Variants in PKD1L1 observed in about 807,000 individuals in gnomAD.
The protein encoded by PKD1L1 is polycystin-1-like protein 1.
PKD1L1 carries 236 observed loss-of-function variants against 323.4 expected under a neutral mutation model. That is an observed-to-expected ratio of 0.73 (90% CI 0.66 to 0.81). PKD1L1 has a LOEUF of 0.81. PKD1L1 is among the 40% of genes least tolerant of loss of function. The pLI, the probability that PKD1L1 is intolerant of heterozygous loss-of-function variation, is 0.00. For missense variants in PKD1L1, 3,320 were observed against 3,508.0 expected, an observed-to-expected ratio of 0.95 and a Z score of 1.35; for synonymous variants, 1,344 against 1,335.0, an observed-to-expected ratio of 1.01 and a Z score of -0.15.
Position 47,839,732 on chromosome 7 carries a change from A to C in PKD1L1, c.5553-70T>G. 2 of 1,420,870 alleles carry C rather than the reference A, an allele frequency of 1.4e-6. No individual in the cohort carries two copies. The highest frequency in any genetic ancestry group is 1.9e-6 in the Non-Finnish European group (2 of 1,038,694). The allele number at this position is 1,420,870 out of a possible 1,614,324, so 88.0% of individuals were successfully genotyped here. ...TGGTCCTGGCATCCCATCAGCCCCA[A>C]TGCTCACCCTCAAGGCACTGATGGC... On this transcript the variant is annotated intron_variant, in intron 35 of 56. Transcript: ENST00000289672. The surrounding 1 kb of genome is among the most constrained non-coding windows in gnomAD (Gnocchi z 4.3).
chr7:47,818,756 A>C (rs527894941), intron 46 of PKD1L1, among the ~76,000 whole-genome samples: 2 of 152,234 alleles, frequency 1.3e-5, no homozygotes, highest in Non-Finnish European at 2.9e-5. Context: ...CTTTTATGGC[A>C]CTTGGATAGA....
chr7:47,912,392 G>T (rs1370120084), intron 8 of PKD1L1, among the ~76,000 whole-genome samples: 1 of 152,184 alleles, frequency 6.6e-6, no homozygotes, highest in Non-Finnish European at 1.5e-5. Context: ...ACAATGTAAA[G>T]ATCTAATTCA....
At chr7:47,830,687 T>G (rs1448758333) in intron 42 of PKD1L1, among the ~76,000 whole-genome samples, 1 of 152,180 alleles carries the variant, frequency 6.6e-6, no homozygotes, top group Non-Finnish European at 1.5e-5. Flanking sequence ...GCCTTGGCTT[T>G]GAGGCTACTC....
chr7:47,784,871 A>G (rs1357337483), intron 56 of PKD1L1, among the ~76,000 whole-genome samples: 1 of 152,248 alleles, frequency 6.6e-6, no homozygotes, highest in African/African-American at 2.4e-5. Flanking sequence ...TACCCTTTCC[A>G]GAGCCACCTA....
intron 30 of PKD1L1, among the ~76,000 whole-genome samples, chr7:47,854,009 C>T (rs1266244972): frequency 1.3e-5 from 2 of 152,164 alleles, no homozygotes; most frequent in African/African-American, 2.4e-5. Flanking sequence ...TAGTTAGACT[C>T]AGAAATTCCT....
chr7:47,839,679 C>A lies in PKD1L1; in HGVS notation c.5553-17G>T. On this transcript the variant is annotated splice_polypyrimidine_tract_variant and intron_variant, in intron 35 of 56. Coordinates refer to ENST00000289672, the MANE Select transcript of PKD1L1 (RefSeq NM_138295.5). The surrounding 1 kb of genome is among the most constrained non-coding windows in gnomAD (Gnocchi z 4.3). ...GCAGGAGCGCTGGAGGCACACACAG[C>A]AGCATCTCAGCCGGGTGGGTGACAG... 6.4e-7 allele frequency: 1 copy of A among 1,554,208 alleles called. No individual in the cohort carries two copies. The highest frequency in any genetic ancestry group is 8.7e-7 in the Non-Finnish European group (1 of 1,148,212).
chr7:47,908,263 G>A lies in PKD1L1; in HGVS notation c.1229-13C>T, dbSNP rs746480178. On this transcript the variant is annotated splice_polypyrimidine_tract_variant and intron_variant, in intron 8 of 56. Coordinates refer to ENST00000289672, the MANE Select transcript of PKD1L1 (RefSeq NM_138295.5). ...ATATAGACTCCTTCTGGAAAAATAAGAATGAACGGACACTTGATGAATTTT... is the reference window on the plus strand; with the variant it reads ...ATATAGACTCCTTCTGGAAAAATAAAAATGAACGGACACTTGATGAATTTT... 2.3e-5 allele frequency: 37 copies of A among 1,606,698 alleles called. No homozygotes were observed. The African/African-American group carries it at 4.4e-4, about 19-fold the overall frequency.
intron 56 of PKD1L1, among the ~76,000 whole-genome samples, chr7:47,779,154 T>A (rs886181500): frequency 1.3e-5 from 2 of 149,296 alleles, no homozygotes. Flanking sequence ...GCAGCAAATG[T>A]GGATCCAAAA....
In PKD1L1 at chr7:47,800,739, G is replaced by A. The variant is rs1312358074; in HGVS notation, c.8103C>T (p.Cys2701=). Reference sequence around the variant, plus strand: ...GGTCAGACTTGGAAAGGCCAAGGAGGCAGTCTTTTTGGCTTCTTCTGGGAA... The same window carrying A: ...GGTCAGACTTGGAAAGGCCAAGGAGACAGTCTTTTTGGCTTCTTCTGGGAA... ...FHFPRRSQKD[C]LLGLSKSDQR... Residue 2701 remains cysteine (C), a synonymous_variant, in exon 54 of 57, where the codon TGC becomes TGT. Coordinates refer to ENST00000289672, the MANE Select transcript of PKD1L1 (RefSeq NM_138295.5). The A allele has an allele frequency of 6.2e-7, 1 of 1,614,188 alleles. No individual in the cohort carries two copies. The highest frequency in any genetic ancestry group is 8.5e-7 in the Non-Finnish European group (1 of 1,180,040).
chr7:47,799,169 C>T (rs1784607782), intron 54 of PKD1L1, among the ~76,000 whole-genome samples: 1 of 152,048 alleles, frequency 6.6e-6, no homozygotes, highest in Non-Finnish European at 1.5e-5. Context: ...CATGAATGAA[C>T]AAATGAGTGG....
At chr7:47,913,105 A>G (rs1787357456) in intron 8 of PKD1L1, among the ~76,000 whole-genome samples, 1 of 152,158 alleles carries the variant, frequency 6.6e-6, no homozygotes, top group Non-Finnish European at 1.5e-5. Flanking sequence ...AGGAGAGAAC[A>G]GAATGGAAAG....
intron 24 of PKD1L1, among the ~76,000 whole-genome samples, chr7:47,872,173 C>G (rs1276489855): frequency 6.6e-6 from 1 of 152,160 alleles, no homozygotes; most frequent in Non-Finnish European, 1.5e-5. Flanking sequence ...TTTTCTACCC[C>G]CTGCAGCAGG....
At chr7:47,905,004 T>C (rs1192344770) in intron 11 of PKD1L1, among the ~76,000 whole-genome samples, 153 bp downstream of exon 11, 1 of 152,166 alleles carries the variant, frequency 6.6e-6, no homozygotes, top group Non-Finnish European at 1.5e-5. Context: ...CCTTAAATCT[T>C]ATGTTGAGTT....
At chr7:47,801,002 T>C in intron 53 of PKD1L1, 123 bp from the exon 54 acceptor site, 1 of 848,898 alleles carries the variant, frequency 1.2e-6, no homozygotes, top group East Asian at 2.7e-5. Flanking sequence ...TGTGGATCAA[T>C]CATGTCATCC....
intron 18 of PKD1L1, 55 bp downstream of exon 18, chr7:47,885,631 A>G: frequency 1.3e-6 from 2 of 1,551,820 alleles, no homozygotes; most frequent in Non-Finnish European, 1.7e-6. Flanking sequence ...CTGCTTCCAA[A>G]GGTAACTTTG....
upstream of PKD1L1, among the ~76,000 whole-genome samples, chr7:47,949,238 A>G (rs1788164206): frequency 6.6e-6 from 1 of 151,890 alleles, no homozygotes; most frequent in African/African-American, 2.4e-5. Flanking sequence ...GCATGGTGGC[A>G]CGCACCTGTA....
intron 44 of PKD1L1, among the ~76,000 whole-genome samples, chr7:47,828,021 A>G (rs767613478): frequency 6.6e-6 from 1 of 152,184 alleles, no homozygotes; most frequent in Non-Finnish European, 1.5e-5. Context: ...GAGGAACCAG[A>G]GACAGTCCTT....
chr7:47,788,603 AT>A (rs201264261), intron 56 of PKD1L1, among the ~76,000 whole-genome samples: 12,139 of 136,908 alleles, frequency 0.089, 613 homozygotes, highest in East Asian at 0.21. Context: ...TTTAATTTTA[AT>A]TTTTTTTTTG....
At chr7:47,792,526 C>T in intron 56 of PKD1L1, 101 bp downstream of exon 56, 1 of 1,187,228 alleles carries the variant, frequency 8.4e-7, no homozygotes, top group South Asian at 1.5e-5. Flanking sequence ...AATATTTATG[C>T]AAATGGACCT....
Sources: allele counts gnomAD v4.1 joint callset (sites outside exome capture counted in the v4.1 genomes callset), GRCh38; gene constraint gnomAD v4.1.1; non-coding constraint Gnocchi (gnomAD v3.1); transcripts MANE v1.5; gene names NCBI Gene and HGNC (gene_info 2026-07-23, HGNC 2026-07-21).